Variants in TADA2A observed in about 807,000 individuals in gnomAD.
TADA2A encodes the protein transcriptional adapter 2-alpha.
In TADA2A, 38 loss-of-function variants were observed where a neutral mutation model predicts 67.4. The ratio of observed to expected loss-of-function variants is 0.56; its 90% CI spans 0.44 to 0.74. The LOEUF (loss-of-function observed/expected upper bound fraction) is 0.74, where lower values mean the gene tolerates loss of function less well. TADA2A is among the 30% of genes least tolerant of loss of function. The pLI is 0.00. For synonymous variants in TADA2A, 192 were observed against 181.6 expected (o/e 1.06, Z -0.46); for missense variants, 454 against 547.0 (o/e 0.83, Z 1.70).
intron 6 of TADA2A, 46 bp downstream of exon 6, chr17:37,440,708 G>T (rs1325756674): frequency 1.4e-5 from 22 of 1,606,530 alleles, no homozygotes; most frequent in Non-Finnish European, 1.7e-5. Flanking sequence ...CTCATCCTTG[G>T]GCCCTGTTTC....
At chr17:37,414,988 A>G (rs1053988115) in intron 2 of TADA2A, among the ~76,000 whole-genome samples, 3 of 150,698 alleles carry the variant, frequency 2.0e-5, no homozygotes, top group Non-Finnish European at 2.9e-5. Flanking sequence ...CACCTCCTGG[A>G]TTCAGGTGAT....
intron 1 of TADA2A, among the ~76,000 whole-genome samples, chr17:37,408,970 C>A (rs1052285469): frequency 6.6e-6 from 1 of 152,132 alleles, no homozygotes; most frequent in African/African-American, 2.4e-5. Context: ...GATAAATTAA[C>A]CTTTTGTAGA....
intron 8 of TADA2A, 95 bp downstream of exon 8, chr17:37,444,863 C>T (rs1317707584): frequency 2.6e-6 from 3 of 1,137,390 alleles, no homozygotes; most frequent in Non-Finnish European, 2.6e-6. Flanking sequence ...GAACATGTCC[C>T]CTGCCCTTAT....
At position 37,438,126 on chromosome 17, in the gene TADA2A, C is replaced by T. The variant is rs1362113753; in HGVS notation, c.284+297C>T. The T allele has an allele frequency of 2.0e-4, 49 of 240,502 alleles. No homozygotes were observed. In the East Asian group the frequency reaches 3.8e-3, roughly 19 times the overall value. The allele number at this position is 240,502 out of a possible 1,614,324, so 14.9% of individuals were successfully genotyped here. A position where few individuals can be genotyped will look rare whatever the true frequency, so the allele number is the denominator to read the frequency against. On this transcript the variant is annotated intron_variant, in intron 5 of 15. Coordinates refer to ENST00000615182, the MANE Select transcript of TADA2A (RefSeq NM_001166105.3). ...TCTGAATAGTAGGGAAGTTTAGTTT[C>T]GTTAGTTATTACTCCCTTCTGATTT...
intron 12 of TADA2A, among the ~76,000 whole-genome samples, chr17:37,469,716 G>T (rs2053744864): frequency 6.7e-6 from 1 of 149,692 alleles, no homozygotes; most frequent in African/African-American, 2.5e-5. Context: ...CCGGTATCTG[G>T]CAGTGCCCTT....
In TADA2A at chr17:37,444,676, T is replaced by A. The variant is rs941466210; in HGVS notation, c.532-20T>A. The A allele has an allele frequency of 1.2e-6, 2 of 1,612,298 alleles. No individual in the cohort carries two copies. On this transcript the variant is annotated intron_variant, in intron 7 of 15. Coordinates refer to ENST00000615182, the MANE Select transcript of TADA2A (RefSeq NM_001166105.3). Reference sequence around the variant, plus strand: ...AAGCCGATGGGTTTGGGGTGGGGATTTTTTTGTTCCCCTAAACAGGAATTT... The same window carrying A: ...AAGCCGATGGGTTTGGGGTGGGGATATTTTTGTTCCCCTAAACAGGAATTT...
chr17:37,434,697 TTTC>T (rs1439873031), intron 4 of TADA2A, among the ~76,000 whole-genome samples: 1 of 152,190 alleles, frequency 6.6e-6, no homozygotes, highest in Non-Finnish European at 1.5e-5. Context: ...GAGTTAGAAA[TTTC>T]TTATTATTGT....
At chr17:37,419,609 C>T (rs1597852653) in intron 2 of TADA2A, among the ~76,000 whole-genome samples, 1 of 145,376 alleles carries the variant, frequency 6.9e-6, no homozygotes, top group South Asian at 2.2e-4. Context: ...GAAAACCCCC[C>T]CTCTACTAAA....
rs924484544 is a variant in TADA2A, at chr17:37,479,630, A to C, written c.*2648A>C. On this transcript the variant is annotated 3_prime_UTR_variant, in exon 16 of 16. Coordinates refer to ENST00000615182, the MANE Select transcript of TADA2A (RefSeq NM_001166105.3). ...GACATGAATAAAACCTGTTTACTGA[A>C]ATTTTTATTGCAATTTAACGTTAAA... 2 of 152,126 alleles carry C rather than the reference A, an allele frequency of 1.3e-5. No individual in the cohort carries two copies. The highest frequency in any genetic ancestry group is 4.8e-5 in the African/African-American group (2 of 41,432). The allele number at this position is 152,126 out of a possible 1,614,324, so 9.4% of individuals were successfully genotyped here.
chr17:37,447,599 A>AC (rs1293471649), intron 8 of TADA2A, among the ~76,000 whole-genome samples: 4 of 151,892 alleles, frequency 2.6e-5, no homozygotes, highest in Admixed American at 6.6e-5. Flanking sequence ...ACAAAGTGAG[A>AC]CCCCCCACCT....
chr17:37,416,648 C>T lies in TADA2A; in HGVS notation c.25+5258C>T, dbSNP rs1272389412. On this transcript the variant is annotated intron_variant, in intron 2 of 15. Transcript: ENST00000615182. ...TTGGGAGGCCGAGGCAGGCAGATCA[C>T]GAGGTCAAGAGATTGAGACCATCAT... 4.0e-5 allele frequency among the ~76,000 whole-genome samples: 6 copies of T among 151,882 alleles called. No homozygotes were observed. In the East Asian group the frequency reaches 9.7e-4, roughly 25 times the overall value.
At chr17:37,465,902 A>G (rs976666006) in intron 11 of TADA2A, among the ~76,000 whole-genome samples, 4 of 152,178 alleles carry the variant, frequency 2.6e-5, no homozygotes, top group African/African-American at 9.7e-5. Context: ...TTTCATCTTT[A>G]CCACTCACTC....
intron 4 of TADA2A, among the ~76,000 whole-genome samples, chr17:37,434,075 G>A (rs1269179162): frequency 6.6e-6 from 1 of 152,198 alleles, no homozygotes; most frequent in Non-Finnish European, 1.5e-5. Flanking sequence ...GATCCAATTG[G>A]GGATCCCACA....
chr17:37,429,582 A>G (rs1196551116), intron 4 of TADA2A, among the ~76,000 whole-genome samples: 1 of 152,180 alleles, frequency 6.6e-6, no homozygotes, highest in Non-Finnish European at 1.5e-5. Context: ...ATGCCCAGCC[A>G]GAGAACATCT....
chr17:37,458,359 C>G (rs2053451780), intron 8 of TADA2A, among the ~76,000 whole-genome samples, 165 bp from the exon 9 acceptor site: 1 of 152,012 alleles, frequency 6.6e-6, no homozygotes, highest in South Asian at 2.1e-4. Flanking sequence ...TAGACAAATT[C>G]TTTATGCTGG....
At chr17:37,410,947 G>T (rs1597836408) in intron 1 of TADA2A, among the ~76,000 whole-genome samples, 1 of 152,248 alleles carries the variant, frequency 6.6e-6, no homozygotes, top group East Asian at 1.9e-4. Flanking sequence ...TGTAGCATTT[G>T]CCCCTGCCAC....
chr17:37,411,225 T>C, intron 1 of TADA2A, 44 bp from the exon 2 acceptor site: 1 of 749,702 alleles, frequency 1.3e-6, no homozygotes, highest in Admixed American at 2.1e-5. Context: ...TCTTGTCCCT[T>C]TGAATGATTT....
intron 9 of TADA2A, among the ~76,000 whole-genome samples, chr17:37,461,348 C>G (rs2053542903): frequency 6.6e-6 from 1 of 152,150 alleles, no homozygotes; most frequent in Admixed American, 6.5e-5. Flanking sequence ...AACTCCTGAT[C>G]TAAAGTAAAA....
intron 4 of TADA2A, among the ~76,000 whole-genome samples, chr17:37,436,017 A>G (rs777433455): frequency 1.2e-4 from 18 of 151,830 alleles, no homozygotes; most frequent in Non-Finnish European, 2.4e-4. Flanking sequence ...TGCCTGGCCA[A>G]CTACGAGGTT....
Sources: gnomAD v4.1 joint callset for allele counts (sites outside exome capture counted in the v4.1 genomes callset) on GRCh38, gnomAD v4.1.1 for gene constraint, MANE v1.5 for transcripts, NCBI Gene and HGNC (gene_info 2026-07-23, HGNC 2026-07-21) for gene names.